FNDC3B: variants seen among roughly 807,000 people sequenced by gnomAD.
The protein encoded by FNDC3B is fibronectin type III domain containing 3B.
Under a neutral mutation model 151.5 loss-of-function variants are expected in FNDC3B, and 12 were observed. The observed-to-expected ratio is 0.08, with a 90% CI of 0.05 to 0.13. The LOEUF is 0.13. Among genes scored for constraint, FNDC3B ranks in the 10% least tolerant of loss-of-function variants. The pLI, the probability that FNDC3B is intolerant of heterozygous loss-of-function variation, is 1.00. For missense variants in FNDC3B, 1,214 were observed against 1,505.3 expected, an observed-to-expected ratio of 0.81 and a Z score of 3.20; for synonymous variants, 528 against 549.0, an observed-to-expected ratio of 0.96 and a Z score of 0.54.
intron 1 of FNDC3B, among the ~76,000 whole-genome samples, chr3:172,087,033 A>G (rs1718580845): frequency 6.6e-6 from 1 of 152,238 alleles, no homozygotes; most frequent in South Asian, 2.1e-4. Flanking sequence ...CAGAGTTTAT[A>G]GTTCCATTTC....
At chr3:172,373,571 A>G (rs1250101202) in intron 23 of FNDC3B, among the ~76,000 whole-genome samples, 1 of 152,262 alleles carries the variant, frequency 6.6e-6, no homozygotes, top group Non-Finnish European at 1.5e-5. Flanking sequence ...GTTCCATCAC[A>G]AAAGGCCTCT....
At chr3:172,331,337 T>C (rs1486676315) in intron 13 of FNDC3B, among the ~76,000 whole-genome samples, 1 of 152,158 alleles carries the variant, frequency 6.6e-6, no homozygotes, top group Non-Finnish European at 1.5e-5. Context: ...TGTAGTCTTA[T>C]TAGCCTCTAG....
At chr3:172,179,804 GC>G (rs1723790253) in intron 3 of FNDC3B, among the ~76,000 whole-genome samples, 1 of 137,686 alleles carries the variant, frequency 7.3e-6, no homozygotes, top group African/African-American at 2.7e-5. Context: ...GATCATTTGA[GC>G]CCAGATGACA....
intron 6 of FNDC3B, among the ~76,000 whole-genome samples, chr3:172,284,605 T>A (rs536481293): frequency 6.6e-6 from 1 of 151,784 alleles, no homozygotes; most frequent in East Asian, 1.9e-4. Flanking sequence ...CAAACAGGTC[T>A]GTGCAGAGCT....
At chr3:172,106,091 G>A (rs1338498108) in intron 1 of FNDC3B, among the ~76,000 whole-genome samples, 1 of 152,126 alleles carries the variant, frequency 6.6e-6, no homozygotes, top group Non-Finnish European at 1.5e-5. Context: ...TGTATTTGAT[G>A]GGTTTTGAAT....
chr3:172,059,924 C>G (rs1717108222), intron 1 of FNDC3B, among the ~76,000 whole-genome samples: 1 of 152,150 alleles, frequency 6.6e-6, no homozygotes, highest in Non-Finnish European at 1.5e-5. Context: ...TGAGAACTGT[C>G]ATTTTGAAAT....
At chr3:172,177,795 GC>G (rs1723687153) in intron 3 of FNDC3B, among the ~76,000 whole-genome samples, 1 of 151,680 alleles carries the variant, frequency 6.6e-6, no homozygotes, top group Non-Finnish European at 1.5e-5. Flanking sequence ...TTAACCCATC[GC>G]CTAGGTATTA....
At chr3:172,367,275 A>AT (rs3083932) in intron 23 of FNDC3B, among the ~76,000 whole-genome samples, 1 of 151,252 alleles carries the variant, frequency 6.6e-6, no homozygotes, top group Non-Finnish European at 1.5e-5. Flanking sequence ...TCAATCATCG[A>AT]TTTTTTTTTT....
intron 22 of FNDC3B, among the ~76,000 whole-genome samples, chr3:172,355,186 C>T (rs1014192753): frequency 6.6e-6 from 1 of 152,022 alleles, no homozygotes; most frequent in Non-Finnish European, 1.5e-5. Context: ...AAATGAAAAC[C>T]TAACTTTGCT....
chr3:172,112,153 T>C (rs1720007323), intron 1 of FNDC3B, among the ~76,000 whole-genome samples: 1 of 152,226 alleles, frequency 6.6e-6, no homozygotes, highest in African/African-American at 2.4e-5. Context: ...ATAAACGGAA[T>C]AGAAACAACG....
At chr3:172,358,327 C>T (rs1734196785) in intron 22 of FNDC3B, among the ~76,000 whole-genome samples, 1 of 152,270 alleles carries the variant, frequency 6.6e-6, no homozygotes, top group Non-Finnish European at 1.5e-5. Flanking sequence ...TTGATTTCCT[C>T]ATCTCTAAAG....
At chr3:172,081,322 CAGT>C (rs1333220537) in intron 1 of FNDC3B, among the ~76,000 whole-genome samples, 2 of 149,672 alleles carry the variant, frequency 1.3e-5, no homozygotes, top group Non-Finnish European at 3.0e-5. Flanking sequence ...TCTTTTGTCT[CAGT>C]AGCTCTCTGA....
intron 11 of FNDC3B, among the ~76,000 whole-genome samples, chr3:172,313,683 C>T (rs1420204015): frequency 6.6e-6 from 1 of 152,160 alleles, no homozygotes; most frequent in South Asian, 2.1e-4. Flanking sequence ...AAACACGTTG[C>T]CATATGCTTC....
At chr3:172,254,985 T>C (rs983775547) in intron 6 of FNDC3B, among the ~76,000 whole-genome samples, 4 of 152,374 alleles carry the variant, frequency 2.6e-5, no homozygotes, top group East Asian at 1.9e-4. Context: ...AACACTTTAA[T>C]ATAATGGTAA....
intron 4 of FNDC3B, 168 bp downstream of exon 4, chr3:172,227,115 G>T: frequency 1.8e-6 from 1 of 553,262 alleles, no homozygotes; most frequent in South Asian, 2.3e-5. Flanking sequence ...CTTGCCACTT[G>T]ACGTACCAGA....
intron 7 of FNDC3B, among the ~76,000 whole-genome samples, chr3:172,288,896 G>A (rs1030741645): frequency 5.3e-5 from 8 of 152,184 alleles, no homozygotes; most frequent in African/African-American, 1.7e-4. Flanking sequence ...GGTTGCCTGG[G>A]CTGAAGGCAT....
intron 11 of FNDC3B, among the ~76,000 whole-genome samples, chr3:172,316,000 C>CTTTTTTTTTTTTT (rs555242809): frequency 1.5e-4 from 12 of 79,924 alleles, no homozygotes; most frequent in South Asian, 6.3e-4. Context: ...CTTTCTTCTT[C>CTTTTTTTTTTTTT]TTTTTTTTTT....
chr3:172,085,648 C>T (rs778816825), intron 1 of FNDC3B, among the ~76,000 whole-genome samples: 7 of 152,174 alleles, frequency 4.6e-5, no homozygotes, highest in African/African-American at 1.7e-4. Context: ...CTTGGAGCCC[C>T]TTGATGTGTT....
intron 19 of FNDC3B, among the ~76,000 whole-genome samples, chr3:172,345,529 C>T (rs538389264): frequency 2.6e-5 from 4 of 152,294 alleles, no homozygotes; most frequent in Admixed American, 2.0e-4. Flanking sequence ...TTTCAGAGAG[C>T]TTCCCCAACT....
Sources: allele counts gnomAD v4.1 joint callset (sites outside exome capture counted in the v4.1 genomes callset), GRCh38; gene constraint gnomAD v4.1.1; transcripts MANE v1.5; gene names NCBI Gene and HGNC (gene_info 2026-07-23, HGNC 2026-07-21).